ARMH3: variants seen among roughly 807,000 people sequenced by gnomAD.
The protein encoded by ARMH3 is armadillo-like helical domain-containing protein 3.
In ARMH3, 60 loss-of-function variants were observed where a neutral mutation model predicts 99.1. That is an observed-to-expected ratio of 0.61 (90% CI 0.49 to 0.75). The LOEUF (loss-of-function observed/expected upper bound fraction) is 0.75, where lower values mean the gene tolerates loss of function less well. Ranked by LOEUF, ARMH3 falls within the 30% of genes least tolerant of loss-of-function variation. The pLI is 0.00. For synonymous variants in ARMH3, 285 were observed against 292.8 expected, an observed-to-expected ratio of 0.97 and a Z score of 0.27; for missense variants, 679 against 843.1, an observed-to-expected ratio of 0.81 and a Z score of 2.41.
chr10:101,928,654 G>A (rs900008317), intron 23 of ARMH3, among the ~76,000 whole-genome samples: 1 of 152,216 alleles, frequency 6.6e-6, no homozygotes, highest in Non-Finnish European at 1.5e-5. Context: ...GGGCAAGAGA[G>A]AGAGGCCTTG....
At chr10:101,920,653 T>C (rs1194987961) in intron 23 of ARMH3, among the ~76,000 whole-genome samples, 2 of 151,954 alleles carry the variant, frequency 1.3e-5, no homozygotes, top group Non-Finnish European at 2.9e-5. Context: ...AAAATACTGC[T>C]CAGCAATAAA....
At chr10:101,887,988 A>G (rs1448550241) in intron 24 of ARMH3, among the ~76,000 whole-genome samples, 2 of 151,722 alleles carry the variant, frequency 1.3e-5, no homozygotes, top group Admixed American at 1.3e-4. Context: ...CTGCTGGAGA[A>G]AGATTTCAGC....
rs575467369 is a variant in ARMH3, at chr10:102,005,949, G to A, written c.1048+591C>T. Among the ~76,000 whole-genome samples, 18 of 152,246 alleles carry A rather than the reference G, an allele frequency of 1.2e-4. No individual in the cohort carries two copies. In the East Asian group the frequency reaches 3.5e-3, roughly 29 times the overall value. On this transcript the variant is annotated intron_variant, in intron 14 of 25. Coordinates refer to ENST00000370033, the MANE Select transcript of ARMH3 (RefSeq NM_024541.3). ...ACACATAACAGTGAGTGAGTGCCAG[G>A]TTCACATTCTCATTCATTTATTCAA... is the stretch of plus-strand genomic sequence containing the variant.
At chr10:101,911,427 A>G (rs1368458584) in intron 23 of ARMH3, among the ~76,000 whole-genome samples, 1 of 152,210 alleles carries the variant, frequency 6.6e-6, no homozygotes, top group Non-Finnish European at 1.5e-5. Flanking sequence ...GCTAACAAAG[A>G]CTACCAGAGT....
intron 20 of ARMH3, among the ~76,000 whole-genome samples, chr10:101,965,161 T>C (rs1207613317): frequency 1.3e-5 from 2 of 152,294 alleles, no homozygotes; most frequent in East Asian, 3.9e-4. Context: ...ATAGTTACAA[T>C]GATAAATTTT....
intron 17 of ARMH3, among the ~76,000 whole-genome samples, chr10:101,992,454 T>C (rs968242984): frequency 5.9e-5 from 9 of 151,618 alleles, no homozygotes; most frequent in Non-Finnish European, 1.0e-4. Context: ...ACAGTAGTAG[T>C]TGCAAAAAAA....
rs149709785 is a variant in ARMH3, at chr10:101,909,126, G to T, written c.1782-19636C>A. Among the ~76,000 whole-genome samples, 226 of 151,822 alleles carry T rather than the reference G, an allele frequency of 1.5e-3. 2 individuals are homozygous for T. The highest frequency in any genetic ancestry group is 5.2e-3 in the African/African-American group (215 of 41,464). On this transcript the variant is annotated intron_variant, in intron 23 of 25. Transcript: ENST00000370033. Reference sequence around the variant, plus strand: ...ACAGAAAAGAAAAAAAGAGACCAGGGCTGGGCGCAGTGGCTCACTCCTATA... The same window carrying T: ...ACAGAAAAGAAAAAAAGAGACCAGGTCTGGGCGCAGTGGCTCACTCCTATA...
rs575799085 is a variant in ARMH3 at position 101,908,180 on chromosome 10, T to A, written c.1782-18690A>T. Among the ~76,000 whole-genome samples, 4 of 152,354 alleles carry A rather than the reference T, an allele frequency of 2.6e-5. No homozygotes were observed. In the South Asian group the frequency reaches 8.3e-4, roughly 32 times the overall value. ...TTGTATTGTTTTGGTAGGGCTACAT[T>A]TCACTTTAACTGCTGCATTGTATAA... On this transcript the variant is annotated intron_variant, in intron 23 of 25. Coordinates refer to ENST00000370033, the MANE Select transcript of ARMH3 (RefSeq NM_024541.3).
intron 14 of ARMH3, among the ~76,000 whole-genome samples, chr10:102,003,969 C>T (rs774103130): frequency 2.0e-5 from 3 of 152,128 alleles, no homozygotes; most frequent in Admixed American, 6.5e-5. Flanking sequence ...GCTCAGAACC[C>T]GTAATCATCC....
At chr10:102,032,370 TTC>T (rs2067150866) in intron 4 of ARMH3, among the ~76,000 whole-genome samples, 1 of 152,138 alleles carries the variant, frequency 6.6e-6, no homozygotes, top group South Asian at 2.1e-4. Flanking sequence ...AAAGAACAGT[TTC>T]TTAATGTTTT....
chr10:101,911,665 A>G (rs977220997), intron 23 of ARMH3, among the ~76,000 whole-genome samples: 6 of 152,216 alleles, frequency 3.9e-5, no homozygotes, highest in Non-Finnish European at 7.3e-5. Flanking sequence ...CAGGAGTTCG[A>G]TGTTGCAGTG....
In ARMH3 at chr10:101,847,480, G is replaced by T; in HGVS notation, c.*48C>A. On this transcript the variant is annotated 3_prime_UTR_variant, in exon 26 of 26. Coordinates refer to ENST00000370033, the MANE Select transcript of ARMH3 (RefSeq NM_024541.3). ...TCCCCTCGCTCCCCCTCCAGCCCAT[G>T]ATCCTCATGGGTAAGGGCAGTCAGA... The T allele has an allele frequency of 6.3e-7, 1 of 1,578,164 alleles. No individual in the cohort carries two copies. Among genetic ancestry groups the T allele is most frequent in the South Asian group, 1.1e-5 (1 of 90,270 alleles).
intron 23 of ARMH3, among the ~76,000 whole-genome samples, chr10:101,913,623 C>G (rs999102833): frequency 6.6e-6 from 1 of 152,274 alleles, no homozygotes. Context: ...GCCTCGGCCT[C>G]CCAAAGTGCT....
intron 22 of ARMH3, among the ~76,000 whole-genome samples, chr10:101,954,788 T>C (rs1420241342): frequency 2.6e-5 from 4 of 152,218 alleles, no homozygotes; most frequent in African/African-American, 9.7e-5. Flanking sequence ...TATTGTTTGC[T>C]GTGTTTCACT....
At chr10:101,951,477 G>A (rs1345122843) in intron 22 of ARMH3, among the ~76,000 whole-genome samples, 2 of 152,310 alleles carry the variant, frequency 1.3e-5, no homozygotes, top group South Asian at 2.1e-4. Context: ...GGAGGCCAAG[G>A]TGGGAGGACT....
At chr10:101,957,581 G>A (rs1845096788) in intron 21 of ARMH3, 69 bp downstream of exon 21, 2 of 1,515,104 alleles carry the variant, frequency 1.3e-6, no homozygotes, top group African/African-American at 1.4e-5. Flanking sequence ...ACCAGCTCCT[G>A]TTTCAAACCA....
At position 102,050,051 on chromosome 10, in the gene ARMH3, G is replaced by A. The variant is rs552067100; in HGVS notation, c.-12+6034C>T. On this transcript the variant is annotated intron_variant, in intron 1 of 25. Coordinates refer to ENST00000370033, the MANE Select transcript of ARMH3 (RefSeq NM_024541.3). ...CCAGCTACTCGGGAGTCTGAGGCAC[G>A]AGAATCGCTTGAACCCGGGAGGCGG... is the stretch of plus-strand genomic sequence containing the variant. Among the ~76,000 whole-genome samples, 9 of 152,156 alleles carry A rather than the reference G, an allele frequency of 5.9e-5. No individual in the cohort carries two copies. The South Asian group carries it at 6.2e-4, about 11-fold the overall frequency.
chr10:101,959,206 T>A (rs1336696186), intron 20 of ARMH3, among the ~76,000 whole-genome samples: 6 of 152,146 alleles, frequency 3.9e-5, no homozygotes, highest in Admixed American at 1.3e-4. Flanking sequence ...ACAACCTGCT[T>A]AGCTCCTACC....
intron 23 of ARMH3, among the ~76,000 whole-genome samples, chr10:101,901,556 CAG>C (rs1384468628): frequency 6.6e-6 from 1 of 152,200 alleles, no homozygotes; most frequent in Non-Finnish European, 1.5e-5. Flanking sequence ...CCCACTGTGA[CAG>C]AGAGCTTCGC....
Sources: allele counts gnomAD v4.1 joint callset (sites outside exome capture counted in the v4.1 genomes callset), GRCh38; gene constraint gnomAD v4.1.1; transcripts MANE v1.5; gene names NCBI Gene and HGNC (gene_info 2026-07-23, HGNC 2026-07-21).